GNB5: variants seen among roughly 807,000 people sequenced by gnomAD.
The protein encoded by GNB5 is guanine nucleotide-binding protein subunit beta-5.
GNB5 carries 37 observed loss-of-function variants against 55.3 expected under a neutral mutation model. The ratio of observed to expected loss-of-function variants is 0.67; its 90% CI spans 0.51 to 0.88. GNB5 has a LOEUF of 0.88. Ranked by LOEUF, GNB5 falls within the 40% of genes least tolerant of loss-of-function variation. The pLI is 0.00. For missense variants in GNB5, 476 were observed against 515.3 expected, an observed-to-expected ratio of 0.92 and a Z score of 0.74; for synonymous variants, 219 against 198.5, an observed-to-expected ratio of 1.10 and a Z score of -0.87.
chr15:52,153,574 C>T (rs552863011), intron 4 of GNB5, among the ~76,000 whole-genome samples: 7 of 152,188 alleles, frequency 4.6e-5, no homozygotes, highest in African/African-American at 1.4e-4. Context: ...TTCTTTATGA[C>T]ATAAGAATTG....
At position 52,135,707 on chromosome 15, in the gene GNB5, C is replaced by T; in HGVS notation, c.677G>A (p.Ser226Asn). 1.2e-6 allele frequency: 2 copies of T among 1,613,066 alleles called. No homozygotes were observed. Among genetic ancestry groups the T allele is most frequent in the African/African-American group, 1.3e-5 (1 of 74,964 alleles). The change falls in exon 8 of 13, where the codon AGC (serine) becomes AAC (asparagine). Residue 226 changes from serine to asparagine, a missense_variant. By Grantham distance (46) the Ser-to-Asn change is conservative. Coordinates refer to ENST00000261837, the MANE Select transcript of GNB5 (RefSeq NM_016194.4). The stretch of plus-strand genomic sequence containing the variant: ...GTGGAAGCTCTGCAGCAGCTGCCCG[C>T]TCTCCACGTCCCACAGGGCACATGT... ...DGTCALWDVESGQLLQSFHGH... is the reference protein window; with the variant it reads ...DGTCALWDVENGQLLQSFHGH...
rs2033129287 is a variant in GNB5 at position 52,115,455 on chromosome 15, A to G, written c.*7302T>C. 2.6e-5 allele frequency: 4 copies of G among 152,232 alleles called. No homozygotes were observed. Among genetic ancestry groups the G allele is most frequent in the Admixed American group, 2.6e-4 (4 of 15,284 alleles). 9.4% of individuals were successfully genotyped at this position (152,232 alleles called of 1,614,324 possible). On this transcript the variant is annotated 3_prime_UTR_variant, in exon 13 of 13. Coordinates refer to ENST00000261837, the MANE Select transcript of GNB5 (RefSeq NM_016194.4). ...AATGGGGCATCACGGGGCTGTCACA[A>G]GGATTACATGAATCGGTATATACAA...
chr15:52,153,958 C>T lies in GNB5; in HGVS notation c.357G>A (p.Arg119=), dbSNP rs766151886. 1.2e-5 allele frequency: 19 copies of T among 1,613,288 alleles called. No homozygotes were observed. The Admixed American group carries it at 2.0e-4, about 17-fold the overall frequency. ...GACATACCTGTGACGAGCTCACGAT[C>T]CTCCTCTTATCTTTGCACCAGTCCA... ...LCMDWCKDKR[R]IVSSSQDGKV... is the part of the protein sequence containing the mutation. The change falls in exon 4 of 13, where the codon AGG becomes AGA. Residue 119 remains arginine, a synonymous_variant. Transcript: ENST00000261837.
intron 4 of GNB5, 50 bp from the exon 5 acceptor site, chr15:52,149,975 T>C (rs1318917410): frequency 1.5e-5 from 20 of 1,359,744 alleles, no homozygotes; most frequent in Non-Finnish European, 2.0e-5. Flanking sequence ...TCTTACAGAT[T>C]ACTGCTGAGA....
intron 3 of GNB5, among the ~76,000 whole-genome samples, chr15:52,156,750 T>G (rs1462432646): frequency 1.3e-5 from 2 of 152,002 alleles, no homozygotes; most frequent in Admixed American, 1.3e-4. Flanking sequence ...TGTCTAAAAA[T>G]ACAAACAAAC....
chr15:52,171,534 CAGAGAAAGGAA>C (rs1273030200), intron 3 of GNB5, among the ~76,000 whole-genome samples: 1 of 152,114 alleles, frequency 6.6e-6, no homozygotes, highest in Non-Finnish European at 1.5e-5. Flanking sequence ...ACAGTGAATG[CAGAGAAAGGAA>C]GGGGAAAGGA....
At chr15:52,179,977 G>T in intron 2 of GNB5, 98 bp from the exon 3 acceptor site, 2 of 1,317,008 alleles carry the variant, frequency 1.5e-6, no homozygotes, top group South Asian at 3.7e-5. Context: ...CCCGAGCACC[G>T]CCCCGCGGCC....
rs770317134 is a variant in GNB5 at position 52,179,858 on chromosome 15, C to G, written c.148G>C (p.Glu50Gln). Residue 50 changes from glutamate (E) to glutamine (Q), a missense_variant, in exon 3 of 13, where the codon GAG becomes CAG. Physicochemically the swap from Glu to Gln is conservative, Grantham distance 29. Coordinates refer to ENST00000261837, the MANE Select transcript of GNB5 (RefSeq NM_016194.4). ...AEIMATEGLH[E>Q]NETLASLKSE... ...TTCAGCGACGCCAGCGTCTCGTTCT[C>G]GTGCAGCCCCTCGGTTGCCATCTTC... is the stretch of plus-strand genomic sequence containing the variant. 1.9e-6 allele frequency: 3 copies of G among 1,549,742 alleles called. No homozygotes were observed. The Admixed American group carries it at 5.6e-5, about 29-fold the overall frequency.
chr15:52,185,443 C>T (rs1017854248), intron 1 of GNB5, among the ~76,000 whole-genome samples: 2 of 152,208 alleles, frequency 1.3e-5, no homozygotes, highest in Non-Finnish European at 2.9e-5. Flanking sequence ...GCACTTAGCT[C>T]AAGGTCGGTA....
chr15:52,137,779 G>A (rs2033758990), intron 7 of GNB5: 1 of 1,230,218 alleles, frequency 8.1e-7, no homozygotes, highest in African/African-American at 1.6e-5. Flanking sequence ...ACAGAGCCCT[G>A]GAGCCAGCTG....
Position 52,129,951 on chromosome 15 carries a change from A to G in GNB5, c.864-1707T>C, listed in dbSNP as rs753696681. Among the ~76,000 whole-genome samples, 35 of 152,158 alleles carry G rather than the reference A, an allele frequency of 2.3e-4. 1 individual carries two copies. Among genetic ancestry groups the G allele is most frequent in the Admixed American group, 5.9e-4 (9 of 15,280 alleles). On this transcript the variant is annotated intron_variant, in intron 9 of 12. Transcript: ENST00000261837. Reference sequence around the variant, plus strand: ...TTCCTGGGCAGGTGGCAGAATGAAAACTATATTTCTAGTCTTCCTGTAGCC... The same window carrying G: ...TTCCTGGGCAGGTGGCAGAATGAAAGCTATATTTCTAGTCTTCCTGTAGCC...
chr15:52,156,176 T>C (rs1249520127), intron 3 of GNB5, among the ~76,000 whole-genome samples: 5 of 152,242 alleles, frequency 3.3e-5, no homozygotes, highest in African/African-American at 9.6e-5. Context: ...CCATTACTAA[T>C]ACTATTGACT....
At chr15:52,189,462 C>A (rs1182865178) in intron 1 of GNB5, among the ~76,000 whole-genome samples, 2 of 152,098 alleles carry the variant, frequency 1.3e-5, no homozygotes, top group Non-Finnish European at 2.9e-5. Flanking sequence ...TGCCTGTAAT[C>A]CCAGCTACTT....
At chr15:52,155,123 C>A (rs1229830921) in intron 3 of GNB5, among the ~76,000 whole-genome samples, 2 of 152,218 alleles carry the variant, frequency 1.3e-5, no homozygotes, top group Non-Finnish European at 2.9e-5. Context: ...AAGGAGAAGC[C>A]AGGGCTCTGA....
chr15:52,172,233 A>C (rs1283092159), intron 3 of GNB5, among the ~76,000 whole-genome samples: 1 of 152,142 alleles, frequency 6.6e-6, no homozygotes, highest in African/African-American at 2.4e-5. Context: ...TCCTGGGCTC[A>C]AGTGATCCTC....
At chr15:52,165,357 G>A (rs2034429677) in intron 3 of GNB5, among the ~76,000 whole-genome samples, 1 of 152,138 alleles carries the variant, frequency 6.6e-6, no homozygotes, top group Admixed American at 6.5e-5. Flanking sequence ...AGGAAATCCA[G>A]AGAACGCCAG....
In GNB5 at chr15:52,115,133, G is replaced by T. The variant is rs1330250367; in HGVS notation, c.*7624C>A. ...ATGTTCATGTTTTATTTGCAAGACAGTCATGATTTTACCTTTTTGTACATT... is the reference window on the plus strand; with the variant it reads ...ATGTTCATGTTTTATTTGCAAGACATTCATGATTTTACCTTTTTGTACATT... On this transcript the variant is annotated 3_prime_UTR_variant, in exon 13 of 13. Transcript: ENST00000261837. 6.6e-6 allele frequency: 1 copy of T among 152,162 alleles called. No individual in the cohort carries two copies. Among genetic ancestry groups the T allele is most frequent in the Non-Finnish European group, 1.5e-5 (1 of 68,020 alleles). The allele number at this position is 152,162 out of a possible 1,614,324, so 9.4% of individuals were successfully genotyped here. A position where few individuals can be genotyped will look rare whatever the true frequency, so the allele number is the denominator to read the frequency against.
At chr15:52,162,734 T>C (rs547854922) in intron 3 of GNB5, 1 of 152,290 alleles carries the variant, frequency 6.6e-6, no homozygotes, top group African/African-American at 2.4e-5. Context: ...ATAGGATGGA[T>C]ACAAAACCCT....
At chr15:52,143,327 C>T (rs537474301) in intron 6 of GNB5, among the ~76,000 whole-genome samples, 14 of 152,156 alleles carry the variant, frequency 9.2e-5, no homozygotes, top group African/African-American at 2.2e-4. Flanking sequence ...TAGGGTTATT[C>T]GCATTGCTAT....
Sources: gnomAD v4.1 joint callset for allele counts (sites outside exome capture counted in the v4.1 genomes callset) on GRCh38, gnomAD v4.1.1 for gene constraint, MANE v1.5 for transcripts, NCBI Gene and HGNC (gene_info 2026-07-23, HGNC 2026-07-21) for gene names.